The following GALNTL6 variants were observed in gnomAD, a reference collection of about 807,000 sequenced individuals.
GALNTL6 encodes the protein polypeptide N-acetylgalactosaminyltransferase like 6.
Under a neutral mutation model 73.7 loss-of-function variants are expected in GALNTL6, and 46 were observed. That is an observed-to-expected ratio of 0.62 (90% confidence interval 0.49 to 0.80). GALNTL6 has a LOEUF of 0.80. GALNTL6 is among the 30% of genes least tolerant of loss of function. GALNTL6 has a pLI of 0.00. For missense variants in GALNTL6, 604 were observed against 755.0 expected (o/e 0.80, Z 2.34); for synonymous variants, 259 against 263.7 (o/e 0.98, Z 0.17).
intron 5 of GALNTL6, among the ~76,000 whole-genome samples, chr4:172,361,880 A>G (rs140739068): frequency 2.6e-3 from 402 of 152,288 alleles, no homozygotes; most frequent in Middle Eastern, 0.017. Flanking sequence ...TGAACAAGTT[A>G]TATATCTTAC....
At chr4:172,742,744 TCTG>T (rs1218950195) in intron 5 of GALNTL6, among the ~76,000 whole-genome samples, 1 of 152,076 alleles carries the variant, frequency 6.6e-6, no homozygotes, top group East Asian at 1.9e-4. Flanking sequence ...CTGCTTAAAA[TCTG>T]CTGACAGGAT....
chr4:171,976,106 A>G (rs1739714117), intron 2 of GALNTL6, among the ~76,000 whole-genome samples: 1 of 152,174 alleles, frequency 6.6e-6, no homozygotes, highest in Admixed American at 6.5e-5. Flanking sequence ...TATTTTTAGT[A>G]GAGACAGGGT....
In GALNTL6 at chr4:172,889,942, G is replaced by A. The variant is rs150009323; in HGVS notation, c.1041+7035G>A. Among the ~76,000 whole-genome samples the A allele has an allele frequency of 4.2e-3, 636 of 152,108 alleles. 2 individuals are homozygous for A. The highest frequency in any genetic ancestry group is 0.014 in the African/African-American group (561 of 41,506). On this transcript the variant is annotated intron_variant, in intron 8 of 12. Transcript: ENST00000506823. ...GATTAAATATCAGAACTCGATATTC[G>A]TCTATTCAGTATCTCAATTTCTTCC...
chr4:172,948,645 A>G (rs1447455838), intron 9 of GALNTL6, among the ~76,000 whole-genome samples: 1 of 125,942 alleles, frequency 7.9e-6, no homozygotes, highest in Admixed American at 8.6e-5. Context: ...GTATTTTTAC[A>G]TAAAAATAGA....
intron 2 of GALNTL6, among the ~76,000 whole-genome samples, chr4:171,927,277 T>C (rs1248179875): frequency 6.6e-6 from 1 of 152,118 alleles, no homozygotes; most frequent in Non-Finnish European, 1.5e-5. Flanking sequence ...ATTATATTGT[T>C]GGTGCTTTAC....
chr4:172,525,145 A>G (rs1734909841), intron 5 of GALNTL6, among the ~76,000 whole-genome samples: 1 of 152,234 alleles, frequency 6.6e-6, no homozygotes, highest in Admixed American at 6.5e-5. Context: ...AAGCACACTT[A>G]TAATTGTCAA....
rs553670173 is a variant in GALNTL6 at position 172,882,937 on chromosome 4, T to A, written c.1041+30T>A. ...GCCCCAAGACCCTCTTCACACTATA[T>A]CTGTATAATTTTGACAATTCTGATA... On this transcript the variant is annotated intron_variant, in intron 8 of 12. Transcript: ENST00000506823. 5.2e-6 allele frequency: 6 copies of A among 1,160,786 alleles called. No individual in the cohort carries two copies. The Admixed American group carries it at 1.1e-4, about 22-fold the overall frequency. The allele number at this position is 1,160,786 out of a possible 1,614,324, so 71.9% of individuals were successfully genotyped here.
chr4:172,798,063 C>T (rs188039494), intron 5 of GALNTL6, among the ~76,000 whole-genome samples: 1 of 152,260 alleles, frequency 6.6e-6, no homozygotes, highest in African/African-American at 2.4e-5. Context: ...TACTGGGGGC[C>T]TGTGACTTCC....
chr4:172,886,740 G>A (rs573348328), intron 8 of GALNTL6, among the ~76,000 whole-genome samples: 1 of 151,498 alleles, frequency 6.6e-6, no homozygotes, highest in Admixed American at 6.6e-5. Flanking sequence ...TCCAGCCTGG[G>A]CAACAAGAGC....
At chr4:173,012,930 G>A (rs1752618657) in intron 11 of GALNTL6, among the ~76,000 whole-genome samples, 1 of 152,184 alleles carries the variant, frequency 6.6e-6, no homozygotes, top group African/African-American at 2.4e-5. Flanking sequence ...TTGAGGTCAG[G>A]AGTTCGAGAC....
rs762099873 is a variant in GALNTL6 at position 172,872,256 on chromosome 4, G to A, written c.924-10534G>A. 5.0e-4 allele frequency among the ~76,000 whole-genome samples: 76 copies of A among 152,276 alleles called. 1 individual carries two copies. The highest frequency in any genetic ancestry group is 3.4e-3 in the Middle Eastern group (1 of 294). ...AGAAATAGGAAGCAATTATGTGATC[G>A]TCAGGGCGGGGGAGAAACTAATTTT... On this transcript the variant is annotated intron_variant, in intron 7 of 12. Coordinates refer to ENST00000506823, the MANE Select transcript of GALNTL6 (RefSeq NM_001034845.3).
chr4:172,573,713 T>G (rs990797604), intron 5 of GALNTL6, among the ~76,000 whole-genome samples: 1 of 152,142 alleles, frequency 6.6e-6, no homozygotes, highest in African/African-American at 2.4e-5. Context: ...TACTCTGAAG[T>G]GGTTAACCCA....
chr4:172,302,287 A>G (rs1739960821), intron 3 of GALNTL6, among the ~76,000 whole-genome samples: 1 of 152,102 alleles, frequency 6.6e-6, no homozygotes, highest in African/African-American at 2.4e-5. Flanking sequence ...CTTGGCTAGG[A>G]AAGGGAATTC....
intron 5 of GALNTL6, among the ~76,000 whole-genome samples, chr4:172,711,605 A>G (rs1177542526): frequency 6.6e-6 from 1 of 152,140 alleles, no homozygotes; most frequent in Non-Finnish European, 1.5e-5. Flanking sequence ...CAAAATGATA[A>G]GAGTTCTCCA....
intron 2 of GALNTL6, among the ~76,000 whole-genome samples, chr4:171,821,640 G>GATAT (rs3080305): frequency 0.025 from 3,705 of 146,108 alleles, 132 homozygotes; most frequent in African/African-American, 0.073. Flanking sequence ...AGGCTTAACG[G>GATAT]ATATATATAT....
chr4:172,532,113 A>G (rs980868042), intron 5 of GALNTL6, among the ~76,000 whole-genome samples: 1 of 152,176 alleles, frequency 6.6e-6, no homozygotes, highest in African/African-American at 2.4e-5. Context: ...AATGATTGAC[A>G]GGTTATGTAT....
At chr4:172,758,792 C>T (rs1737900953) in intron 5 of GALNTL6, among the ~76,000 whole-genome samples, 1 of 152,148 alleles carries the variant, frequency 6.6e-6, no homozygotes, top group South Asian at 2.1e-4. Context: ...GTAAACACTA[C>T]CCATCTATTA....
chr4:172,249,341 T>C (rs1326871971), intron 3 of GALNTL6, among the ~76,000 whole-genome samples: 1 of 152,148 alleles, frequency 6.6e-6, no homozygotes, highest in Non-Finnish European at 1.5e-5. Context: ...AAGAAATTTA[T>C]AAGTGGCCAA....
chr4:172,714,491 A>C (rs1372856565), intron 5 of GALNTL6, among the ~76,000 whole-genome samples: 1 of 152,198 alleles, frequency 6.6e-6, no homozygotes, highest in Admixed American at 6.5e-5. Flanking sequence ...GGCAGCCATA[A>C]AGCAAAACAT....
Sources: allele counts gnomAD v4.1 joint callset (sites outside exome capture counted in the v4.1 genomes callset), GRCh38; gene constraint gnomAD v4.1.1; transcripts MANE v1.5; gene names NCBI Gene and HGNC (gene_info 2026-07-23, HGNC 2026-07-21).